NHSL3: variants seen among roughly 807,000 people sequenced by gnomAD.
NHSL3 encodes the protein NHS-like protein 3.
the NHSL3 span, among the ~76,000 whole-genome samples, chr1:32,754,723 G>A: frequency 6.6e-6 from 1 of 152,122 alleles, no homozygotes; most frequent in South Asian, 2.1e-4. Context: ...GGACACACAC[G>A]CTTATTTCCC....
At chr1:32,771,506 C>T in the NHSL3 span, 3 of 1,589,604 alleles carry the variant, frequency 1.9e-6, no homozygotes, top group Admixed American at 3.4e-5. Flanking sequence ...CCACCCCCTG[C>T]CCCTGAGGAG....
the NHSL3 span, among the ~76,000 whole-genome samples, chr1:32,743,059 T>A: frequency 6.6e-6 from 1 of 152,200 alleles, no homozygotes; most frequent in Non-Finnish European, 1.5e-5. Flanking sequence ...CTGGGGTCAT[T>A]TTCAGTTCCT....
chr1:32,772,136 C>T, the NHSL3 span: 10 of 1,613,182 alleles, frequency 6.2e-6, no homozygotes, highest in Non-Finnish European at 8.5e-6. Flanking sequence ...CTGGAGCGGC[C>T]CGTGTCCCCT....
At chr1:32,756,272 T>C in the NHSL3 span, among the ~76,000 whole-genome samples, 1 of 152,086 alleles carries the variant, frequency 6.6e-6, no homozygotes, top group African/African-American at 2.4e-5. Flanking sequence ...AATCACAGGA[T>C]TGAAATTAGT....
At chr1:32,766,530 G>A in the NHSL3 span, among the ~76,000 whole-genome samples, 4 of 152,158 alleles carry the variant, frequency 2.6e-5, no homozygotes, top group East Asian at 1.9e-4. Flanking sequence ...CACTGGTCTG[G>A]TTGGATCTGT....
At chr1:32,743,741 C>T in the NHSL3 span, among the ~76,000 whole-genome samples, 1 of 152,236 alleles carries the variant, frequency 6.6e-6, no homozygotes, top group Non-Finnish European at 1.5e-5. Context: ...ACTGCTCCAA[C>T]AGCCTGGGTT....
the NHSL3 span, among the ~76,000 whole-genome samples, chr1:32,747,925 A>G: frequency 1.3e-5 from 2 of 152,142 alleles, no homozygotes; most frequent in African/African-American, 2.4e-5. Flanking sequence ...CCTGGCCAAC[A>G]TGGCGAAACC....
the NHSL3 span, among the ~76,000 whole-genome samples, chr1:32,762,978 A>ATTTTTT: frequency 7.9e-6 from 1 of 126,176 alleles, no homozygotes; most frequent in Non-Finnish European, 1.7e-5. Context: ...CTAGCCTGGA[A>ATTTTTT]TTTTTTTTTT....
the NHSL3 span, chr1:32,754,285 G>T: frequency 8.5e-6 from 5 of 590,466 alleles, no homozygotes; most frequent in African/African-American, 7.7e-5. Flanking sequence ...TGAGTGTGGG[G>T]GGGTCGGGAA....
chr1:32,765,182 T>A, the NHSL3 span, among the ~76,000 whole-genome samples: 138 of 152,336 alleles, frequency 9.1e-4, no homozygotes, highest in Non-Finnish European at 1.6e-3. Flanking sequence ...GCTCTGGGCA[T>A]CTCCCTGGCT....
chr1:32,762,065 T>A, the NHSL3 span, among the ~76,000 whole-genome samples: 1 of 152,232 alleles, frequency 6.6e-6, no homozygotes, highest in Non-Finnish European at 1.5e-5. Flanking sequence ...TTCCATTTCC[T>A]CATCTATAAA....
chr1:32,772,506 C>G, the NHSL3 span: 5 of 1,497,600 alleles, frequency 3.3e-6, no homozygotes, highest in Non-Finnish European at 3.6e-6. Flanking sequence ...TCTGAAGTCC[C>G]GCCATGGGGG....
chr1:32,742,120 G>C, the NHSL3 span: 2 of 1,246,810 alleles, frequency 1.6e-6, no homozygotes, highest in Non-Finnish European at 2.0e-6. Context: ...GGCCGAGGGC[G>C]CCGAACCGGC....
the NHSL3 span, chr1:32,742,165 A>G: frequency 8.0e-7 from 1 of 1,247,466 alleles, no homozygotes; most frequent in Non-Finnish European, 1.0e-6. Flanking sequence ...GGACAAGGCC[A>G]AGAGGGCCAA....
chr1:32,765,771 T>C, the NHSL3 span: 2 of 1,547,650 alleles, frequency 1.3e-6, no homozygotes, highest in Non-Finnish European at 1.7e-6. Flanking sequence ...CCCGCAGTCA[T>C]GGTGGTGTTC....
the NHSL3 span, chr1:32,767,902 C>A: frequency 6.2e-7 from 1 of 1,614,124 alleles, no homozygotes. Context: ...GACCCCCCCA[C>A]CTGGAAGAGC....
At chr1:32,774,089 A>G in the NHSL3 span, 1 of 152,552 alleles carries the variant, frequency 6.6e-6, no homozygotes, top group African/African-American at 2.4e-5. Context: ...TAACCTTTCT[A>G]TTTTCAGCCT....
chr1:32,754,279 T>G, the NHSL3 span: 34 of 590,578 alleles, frequency 5.8e-5, no homozygotes, highest in Non-Finnish European at 8.7e-5. Flanking sequence ...AGGGTGTGAG[T>G]GTGGGGGGGT....
chr1:32,757,296 TC>T, the NHSL3 span, among the ~76,000 whole-genome samples: 1 of 150,476 alleles, frequency 6.6e-6, no homozygotes, highest in Non-Finnish European at 1.5e-5. Flanking sequence ...AAGGGAGGAG[TC>T]TACAAAAGTG....
Sources: allele counts gnomAD v4.1 joint callset (sites outside exome capture counted in the v4.1 genomes callset), GRCh38; gene constraint gnomAD v4.1.1; transcripts MANE v1.5; gene names NCBI Gene and HGNC (gene_info 2026-07-23, HGNC 2026-07-21).